DDX31: variants seen among roughly 807,000 people sequenced by gnomAD.
The protein encoded by DDX31 is DEAD-box helicase 31, also known as ATP-dependent DNA helicase DDX31.
A neutral mutation model predicts 91.3 loss-of-function variants in DDX31; 70 were observed. That is an observed-to-expected ratio of 0.77 (90% confidence interval 0.63 to 0.94). The LOEUF (loss-of-function observed/expected upper bound fraction) is 0.94. DDX31 is among the 40% of genes least tolerant of loss of function. The probability of loss-of-function intolerance (pLI) is 0.00; values close to 1 mark genes in which losing one functional copy is unlikely to be tolerated. For missense variants in DDX31, 902 were observed against 925.0 expected (o/e 0.98, Z 0.32); for synonymous variants, 362 against 350.6 (o/e 1.03, Z -0.36).
chr9:132,659,685 A>AG, intron 5 of DDX31, 25 bp downstream of exon 5: 2 of 1,595,202 alleles, frequency 1.3e-6, no homozygotes, highest in East Asian at 4.5e-5. Context: ...CAGATGAAAA[A>AG]GGGCAGAGAT....
chr9:132,624,023 T>C lies in DDX31; in HGVS notation c.1713+1641A>G, dbSNP rs368927417. Reference sequence around the variant, plus strand: ...CTACTAAAAATACGAAAAAATTAGCTGGGCGTGGTGGCATGTGCCTGTAGT... The same window carrying C: ...CTACTAAAAATACGAAAAAATTAGCCGGGCGTGGTGGCATGTGCCTGTAGT... On this transcript the variant is annotated intron_variant, in intron 17 of 19. Coordinates refer to ENST00000372159, the MANE Select transcript of DDX31 (RefSeq NM_022779.9). 4.1e-3 allele frequency among the ~76,000 whole-genome samples: 616 copies of C among 151,628 alleles called. 4 individuals are homozygous for C. The highest frequency in any genetic ancestry group is 0.014 in the African/African-American group (562 of 41,360).
In DDX31 at chr9:132,663,078, C is replaced by A. The variant is rs1270952704; in HGVS notation, c.76-383G>T. 4.4e-6 allele frequency: 4 copies of A among 899,730 alleles called. No homozygotes were observed. The African/African-American group carries it at 5.1e-5, about 12-fold the overall frequency. 55.7% of individuals were successfully genotyped at this position (899,730 alleles called of 1,614,324 possible). A position where few individuals can be genotyped will look rare whatever the true frequency, so the allele number is the denominator to read the frequency against. ...TGTGTCAATCCATATTCCTAGGAAC[C>A]CATTCACCCAAGGAGAAAAGAGGGG... is the stretch of plus-strand genomic sequence containing the variant. On this transcript the variant is annotated intron_variant, in intron 1 of 19. Transcript: ENST00000372159.
At chr9:132,632,299 G>C (rs441456) in intron 14 of DDX31, among the ~76,000 whole-genome samples, 671 of 27,878 alleles carry the variant, frequency 0.024, 1 homozygote, top group Middle Eastern at 0.075. Context: ...CACACACACA[G>C]TCCTGCATAC....
At chr9:132,639,078 C>T (rs1372709504) in intron 14 of DDX31, among the ~76,000 whole-genome samples, 2 of 152,106 alleles carry the variant, frequency 1.3e-5, no homozygotes, top group Admixed American at 1.3e-4. Context: ...GGAGAGTGTT[C>T]GGATAGCCTG....
chr9:132,637,533 G>GC (rs559496799), intron 14 of DDX31, among the ~76,000 whole-genome samples: 84 of 152,282 alleles, frequency 5.5e-4, no homozygotes, highest in African/African-American at 1.9e-3. Context: ...GGGAGAGGGG[G>GC]CCTGCCGTCT....
At chr9:132,638,130 C>G in intron 14 of DDX31, 1 of 1,385,590 alleles carries the variant, frequency 7.2e-7, no homozygotes, top group Non-Finnish European at 9.3e-7. Context: ...ACAGTTGGCG[C>G]CCAGGGCGGG....
At chr9:132,634,670 G>A (rs1174125594) in intron 14 of DDX31, among the ~76,000 whole-genome samples, 1 of 140,974 alleles carries the variant, frequency 7.1e-6, no homozygotes, top group Non-Finnish European at 1.5e-5. Context: ...ACTGCTCACT[G>A]CAGCCTCAAC....
In DDX31 at chr9:132,651,165, T is replaced by C. The variant is rs1281187166; in HGVS notation, c.634-49A>G. 4 of 1,514,280 alleles carry C rather than the reference T, an allele frequency of 2.6e-6. No homozygotes were observed. In the South Asian group the frequency reaches 3.6e-5, roughly 14 times the overall value. The allele number at this position is 1,514,280 out of a possible 1,614,324, so 93.8% of individuals were successfully genotyped here. A position where few individuals can be genotyped will look rare whatever the true frequency, so the allele number is the denominator to read the frequency against. On this transcript the variant is annotated intron_variant, in intron 7 of 19. Transcript: ENST00000372159. ...GATGATGAACAGGATCCCCCTTTTT[T>C]TTTTTTTAAAGACAATTTAATGTGA...
At chr9:132,635,712 G>A (rs1440649075) in intron 14 of DDX31, among the ~76,000 whole-genome samples, 2 of 151,162 alleles carry the variant, frequency 1.3e-5, no homozygotes, top group Non-Finnish European at 2.9e-5. Flanking sequence ...TTGGGGGGCC[G>A]AGGTGGGTGA....
chr9:132,624,373 G>C (rs145000882), intron 17 of DDX31, among the ~76,000 whole-genome samples: 15 of 152,212 alleles, frequency 9.9e-5, no homozygotes, highest in Admixed American at 3.3e-4. Context: ...AAAGTAACCT[G>C]ATGACCAATG....
At chr9:132,613,259 A>C (rs1831448519) in intron 18 of DDX31, among the ~76,000 whole-genome samples, 1 of 152,224 alleles carries the variant, frequency 6.6e-6, no homozygotes, top group South Asian at 2.1e-4. Flanking sequence ...TTGCTCAAAG[A>C]ATGTGTAAAA....
At chr9:132,603,434 AG>A (rs1438060442) in intron 19 of DDX31, among the ~76,000 whole-genome samples, 1 of 152,208 alleles carries the variant, frequency 6.6e-6, no homozygotes. Context: ...TGTTGCAGAA[AG>A]CAACTTAATG....
intron 13 of DDX31, among the ~76,000 whole-genome samples, chr9:132,644,467 G>C (rs2130754065): frequency 6.6e-6 from 1 of 152,230 alleles, no homozygotes; most frequent in Non-Finnish European, 1.5e-5. Context: ...ATATTTACCT[G>C]AGATTACACA....
chr9:132,607,127 G>A (rs1427549368), intron 19 of DDX31, among the ~76,000 whole-genome samples: 2 of 152,216 alleles, frequency 1.3e-5, no homozygotes, highest in African/African-American at 4.8e-5. Flanking sequence ...AGAAGTGTGG[G>A]AGGTTAAGGA....
Position 132,648,512 on chromosome 9 carries a change from T to C in DDX31, c.780A>G (p.Gly260=), listed in dbSNP as rs778054973. 1 of 1,613,800 alleles carries C rather than the reference T, an allele frequency of 6.2e-7. No individual in the cohort carries two copies. Among genetic ancestry groups the C allele is most frequent in the Non-Finnish European group, 8.5e-7 (1 of 1,179,926 alleles). The change falls in exon 10 of 20, where the codon GGA becomes GGG. Residue 260 remains glycine, a synonymous_variant. Transcript: ENST00000372159. ...KGINILISTP[G]RLVDHIKSTK... is the part of the protein sequence containing the mutation. ...TGGATTTTATATGATCCACCAGGCGTCCAGGAGTTGAGATAAGGATATTTA... is the reference window on the plus strand; with the variant it reads ...TGGATTTTATATGATCCACCAGGCGCCCAGGAGTTGAGATAAGGATATTTA...
At position 132,645,939 on chromosome 9, in the gene DDX31, T is replaced by C. The variant is rs370621835; in HGVS notation, c.1336A>G (p.Met446Val). The stretch of plus-strand genomic sequence containing the variant: ...TGCAGCCGTAGGAATTTTAATCGCA[T>C]GGAGGCAGATGGCAACTGCCCTGAT... ...PASGQLPSAS[M>V]RLKFLRLHGG... Residue 446 changes from methionine to valine, a missense_variant, in exon 13 of 20, where the codon ATG becomes GTG. Physicochemically the swap from Met to Val is conservative, Grantham distance 21. Coordinates refer to ENST00000372159, the MANE Select transcript of DDX31 (RefSeq NM_022779.9). The C allele has an allele frequency of 4.3e-6, 7 of 1,613,684 alleles. No homozygotes were observed. Among genetic ancestry groups the C allele is most frequent in the Non-Finnish European group, 5.9e-6 (7 of 1,179,878 alleles).
chr9:132,649,725 T>C (rs953155109), intron 9 of DDX31, among the ~76,000 whole-genome samples: 9 of 152,206 alleles, frequency 5.9e-5, no homozygotes, highest in Non-Finnish European at 7.3e-5. Flanking sequence ...TATAATACAA[T>C]AAAAATGTTT....
At chr9:132,613,579 G>A (rs392484) in intron 18 of DDX31, among the ~76,000 whole-genome samples, 119,324 of 152,144 alleles carry the variant, frequency 0.78, 47,402 homozygotes, top group African/African-American at 0.92. Context: ...CTGTAATCCC[G>A]GCTACTCAGG....
intron 19 of DDX31, among the ~76,000 whole-genome samples, chr9:132,600,423 G>A (rs547511773): frequency 6.6e-6 from 1 of 152,204 alleles, no homozygotes; most frequent in Non-Finnish European, 1.5e-5. Context: ...TGTGGACACA[G>A]AGGCTGGTGA....
Sources: gnomAD v4.1 joint callset for allele counts (sites outside exome capture counted in the v4.1 genomes callset) on GRCh38, gnomAD v4.1.1 for gene constraint, MANE v1.5 for transcripts, NCBI Gene and HGNC (gene_info 2026-07-23, HGNC 2026-07-21) for gene names.